MDGA2: variants seen among roughly 807,000 people sequenced by gnomAD.
MDGA2 encodes MAM domain-containing glycosylphosphatidylinositol anchor protein 2.
In MDGA2, 40 loss-of-function variants were observed where a neutral mutation model predicts 117.8. The observed-to-expected ratio is 0.34, with a 90% confidence interval of 0.26 to 0.44. MDGA2 has a LOEUF of 0.44. MDGA2 is among the 20% of genes least tolerant of loss of function. The probability of loss-of-function intolerance (pLI) is 1.00; values close to 1 mark genes in which losing one functional copy is unlikely to be tolerated. For missense variants in MDGA2, 1,123 were observed against 1,250.6 expected (o/e 0.90, Z 1.54); for synonymous variants, 452 against 439.0 (o/e 1.03, Z -0.37).
intron 2 of MDGA2, among the ~76,000 whole-genome samples, chr14:47,238,914 T>C (rs908600353): frequency 6.6e-6 from 1 of 151,694 alleles, no homozygotes; most frequent in African/African-American, 2.4e-5. Flanking sequence ...AAAGTAAGGA[T>C]GAGCTAAGAG....
At chr14:47,529,991 T>C (rs1219455134) in intron 1 of MDGA2, among the ~76,000 whole-genome samples, 1 of 152,132 alleles carries the variant, frequency 6.6e-6, no homozygotes, top group Non-Finnish European at 1.5e-5. Context: ...GCATGCAGGA[T>C]TGTGTAAAAA....
intron 1 of MDGA2, among the ~76,000 whole-genome samples, chr14:47,431,718 T>C (rs1441227516): frequency 6.6e-6 from 1 of 152,080 alleles, no homozygotes; most frequent in African/African-American, 2.4e-5. Context: ...GCACACATTT[T>C]TGTAACTTCA....
intron 1 of MDGA2, chr14:47,343,258 G>T (rs1487806137): frequency 8.7e-7 from 1 of 1,145,070 alleles, no homozygotes; most frequent in Non-Finnish European, 1.1e-6. Flanking sequence ...CGAATTCCGG[G>T]CATTGTATTA....
At chr14:47,342,724 A>C (rs535313432) in intron 1 of MDGA2, among the ~76,000 whole-genome samples, 1 of 152,258 alleles carries the variant, frequency 6.6e-6, no homozygotes, top group East Asian at 1.9e-4. Context: ...TACAGTCTGG[A>C]GAATGGGTGC....
intron 6 of MDGA2, among the ~76,000 whole-genome samples, chr14:47,081,131 T>C (rs1042521436): frequency 6.6e-6 from 1 of 152,148 alleles, no homozygotes; most frequent in Non-Finnish European, 1.5e-5. Flanking sequence ...CCTTCATTTT[T>C]AAAATTTCCT....
intron 3 of MDGA2, among the ~76,000 whole-genome samples, chr14:47,211,734 C>CTTTTTTTGT (rs1885891665): frequency 6.6e-6 from 1 of 152,040 alleles, no homozygotes; most frequent in African/African-American, 2.4e-5. Context: ...GTAGAACTGC[C>CTTTTTTTGT]AGGGAGAATT....
At chr14:46,990,338 G>A (rs71418123) in intron 8 of MDGA2, among the ~76,000 whole-genome samples, 25,337 of 151,842 alleles carry the variant, frequency 0.17, 2,216 homozygotes, top group Admixed American at 0.24. Flanking sequence ...TACTCATTTA[G>A]TATTTCTTAA....
intron 1 of MDGA2, among the ~76,000 whole-genome samples, chr14:47,448,965 T>C (rs1418548295): frequency 6.6e-6 from 1 of 152,112 alleles, no homozygotes; most frequent in South Asian, 2.1e-4. Context: ...TGAGGAAAAA[T>C]CCTACACATT....
At chr14:47,341,265 G>A (rs1890613868) in intron 1 of MDGA2, among the ~76,000 whole-genome samples, 1 of 152,144 alleles carries the variant, frequency 6.6e-6, no homozygotes, top group Non-Finnish European at 1.5e-5. Flanking sequence ...GAAAATGCAA[G>A]TGAAATTAAT....
intron 1 of MDGA2, among the ~76,000 whole-genome samples, chr14:47,479,775 C>T (rs1040791234): frequency 1.3e-5 from 2 of 151,970 alleles, no homozygotes; most frequent in Admixed American, 6.6e-5. Context: ...TTTCCAGATA[C>T]TAATTATTTA....
Position 46,841,985 on chromosome 14 carries a change from A to G in MDGA2, c.3024T>C (p.His1008=), listed in dbSNP as rs1189705898. 6.2e-7 allele frequency: 1 copy of G among 1,612,696 alleles called. No homozygotes were observed. The highest frequency in any genetic ancestry group is 1.3e-5 in the African/African-American group (1 of 74,874). ...GGACGATAATGGGAAAAAGCCATATATGAACCAAAATCCCAACAGCACCAT... is the reference window on the plus strand; with the variant it reads ...GGACGATAATGGGAAAAAGCCATATGTGAACCAAAATCCCAACAGCACCAT... ...SVDGAVGILV[H]IWLFPIIVLI... Residue 1008 remains histidine (H), a synonymous_variant, in exon 17 of 17, where the codon CAT becomes CAC. Coordinates refer to ENST00000399232, the MANE Select transcript of MDGA2 (RefSeq NM_001113498.3).
chr14:47,063,047 C>G (rs1050792557), intron 6 of MDGA2, among the ~76,000 whole-genome samples: 1 of 151,966 alleles, frequency 6.6e-6, no homozygotes, highest in Non-Finnish European at 1.5e-5. Context: ...AACCATGGCC[C>G]TCATGTACTG....
At chr14:47,596,809 C>T (rs1896552439) in intron 1 of MDGA2, among the ~76,000 whole-genome samples, 1 of 152,052 alleles carries the variant, frequency 6.6e-6, no homozygotes, top group Non-Finnish European at 1.5e-5. Flanking sequence ...CCCCTTTGTG[C>T]AGATGAAGAA....
intron 10 of MDGA2, among the ~76,000 whole-genome samples, chr14:46,886,791 A>C (rs985897429): frequency 3.3e-5 from 5 of 152,038 alleles, no homozygotes; most frequent in Non-Finnish European, 7.4e-5. Flanking sequence ...ATTGCTTCCC[A>C]CATCAGCATC....
chr14:46,974,548 A>T (rs1886383558), intron 8 of MDGA2, among the ~76,000 whole-genome samples: 1 of 152,144 alleles, frequency 6.6e-6, no homozygotes, highest in Non-Finnish European at 1.5e-5. Context: ...AATCAAACAG[A>T]ATGGAGAACC....
At chr14:47,407,758 T>G (rs1457540303) in intron 1 of MDGA2, among the ~76,000 whole-genome samples, 1 of 152,180 alleles carries the variant, frequency 6.6e-6, no homozygotes, top group Admixed American at 6.5e-5. Flanking sequence ...GAGAGTTATT[T>G]GTTTATTCAT....
chr14:46,949,846 T>A (rs1885306198), intron 9 of MDGA2, among the ~76,000 whole-genome samples: 1 of 151,944 alleles, frequency 6.6e-6, no homozygotes, highest in South Asian at 2.1e-4. Context: ...TATAATTATT[T>A]CTTTTCCTTT....
chr14:47,499,822 T>G (rs1195239506), intron 1 of MDGA2, among the ~76,000 whole-genome samples: 2 of 152,178 alleles, frequency 1.3e-5, no homozygotes, highest in Admixed American at 1.3e-4. Flanking sequence ...AAACAGATTT[T>G]CATTTTCAAT....
At chr14:46,924,758 T>A (rs1206864855) in intron 9 of MDGA2, among the ~76,000 whole-genome samples, 2 of 152,086 alleles carry the variant, frequency 1.3e-5, no homozygotes, top group East Asian at 3.9e-4. Context: ...AGAACAAATT[T>A]CTTTCTTTCA....
Sources: gnomAD v4.1 joint callset for allele counts (sites outside exome capture counted in the v4.1 genomes callset) on GRCh38, gnomAD v4.1.1 for gene constraint, MANE v1.5 for transcripts, NCBI Gene and HGNC (gene_info 2026-07-23, HGNC 2026-07-21) for gene names.